Variants in SEMA4D observed in about 807,000 individuals in gnomAD.
SEMA4D encodes semaphorin-4D.
A neutral mutation model predicts 74.8 loss-of-function variants in SEMA4D; 22 were observed. The ratio of observed to expected loss-of-function variants is 0.29; its 90% CI spans 0.21 to 0.42. The LOEUF is 0.42. Ranked by LOEUF, SEMA4D falls within the 10% of genes least tolerant of loss-of-function variation. The probability of loss-of-function intolerance (pLI) is 1.00; values close to 1 mark genes in which losing one functional copy is unlikely to be tolerated. For missense variants in SEMA4D, 937 were observed against 1,118.4 expected, an observed-to-expected ratio of 0.84 and a Z score of 2.31; for synonymous variants, 445 against 463.7, an observed-to-expected ratio of 0.96 and a Z score of 0.52.
intron 13 of SEMA4D, among the ~76,000 whole-genome samples, chr9:89,382,878 G>A (rs1837468173): frequency 6.6e-6 from 1 of 152,120 alleles, no homozygotes; most frequent in African/African-American, 2.4e-5. Context: ...AGGCTTGAGG[G>A]TAGCTGTGGA....
chr9:89,401,155 A>C (rs1230759610), intron 4 of SEMA4D, among the ~76,000 whole-genome samples: 2 of 152,068 alleles, frequency 1.3e-5, no homozygotes, highest in East Asian at 3.9e-4. Context: ...CCTGGGCTCA[A>C]GTGATCCTCC....
intron 1 of SEMA4D, among the ~76,000 whole-genome samples, chr9:89,460,250 G>A (rs534656574): frequency 6.6e-6 from 1 of 152,208 alleles, no homozygotes; most frequent in South Asian, 2.1e-4. Context: ...CCTTGGGTAA[G>A]GCATCCTTTG....
chr9:89,497,752 T>C (rs900641215), intron 1 of SEMA4D, among the ~76,000 whole-genome samples, 167 bp downstream of exon 1: 8 of 149,356 alleles, frequency 5.4e-5, no homozygotes, highest in African/African-American at 2.0e-4. Flanking sequence ...AGTCCAGGGG[T>C]CCGGGGATCC....
At chr9:89,434,644 G>C (rs1176393819) in intron 2 of SEMA4D, among the ~76,000 whole-genome samples, 2 of 152,196 alleles carry the variant, frequency 1.3e-5, no homozygotes, top group African/African-American at 4.8e-5. Context: ...GGAAAATCCA[G>C]GAGAATTTTC....
chr9:89,450,838 C>T, intron 2 of SEMA4D: 3 of 620,984 alleles, frequency 4.8e-6, no homozygotes, highest in Admixed American at 5.5e-5. Context: ...CAGTTCTTCT[C>T]CACCTAGGAC....
At chr9:89,461,700 C>CTCTCTCT (rs71281350) in intron 1 of SEMA4D, among the ~76,000 whole-genome samples, 1,220 of 103,626 alleles carry the variant, frequency 0.012, 32 homozygotes, top group South Asian at 0.027. Context: ...TCTTTTTTCT[C>CTCTCTCT]TTTTTTTTTT....
At chr9:89,373,501 G>T (rs1160945610), downstream of SEMA4D, among the ~76,000 whole-genome samples, 1 of 152,150 alleles carries the variant, frequency 6.6e-6, no homozygotes, top group African/African-American at 2.4e-5. Flanking sequence ...TGGGGGGTGA[G>T]ACGCTCCCCA....
chr9:89,385,070 AGG>A, intron 13 of SEMA4D: 2 of 982,992 alleles, frequency 2.0e-6, no homozygotes, highest in Non-Finnish European at 2.4e-6. Context: ...CCTGGGCGCG[AGG>A]CTCCCTGTGT....
intron 2 of SEMA4D, chr9:89,418,180 A>G (rs1429530554): frequency 2.4e-6 from 2 of 841,148 alleles, no homozygotes; most frequent in Non-Finnish European, 2.9e-6. Context: ...ACTTAAACTC[A>G]GCAACACTCC....
intron 2 of SEMA4D, among the ~76,000 whole-genome samples, chr9:89,432,466 G>A (rs1251339184): frequency 6.6e-6 from 1 of 152,156 alleles, no homozygotes; most frequent in East Asian, 1.9e-4. Context: ...TCTGTCGTAA[G>A]GGCAGCAATA....
At chr9:89,433,167 A>T (rs955082014) in intron 2 of SEMA4D, among the ~76,000 whole-genome samples, 7 of 152,228 alleles carry the variant, frequency 4.6e-5, no homozygotes, top group Non-Finnish European at 7.3e-5. Flanking sequence ...CACTGTCTAT[A>T]GCAGGCTGGA....
intron 1 of SEMA4D, among the ~76,000 whole-genome samples, chr9:89,470,805 A>G (rs1404407989): frequency 6.6e-6 from 1 of 152,226 alleles, no homozygotes; most frequent in Non-Finnish European, 1.5e-5. Flanking sequence ...TCAAAAGGCT[A>G]TGTACTGCGT....
At chr9:89,440,870 G>T (rs545273265) in intron 2 of SEMA4D, among the ~76,000 whole-genome samples, 1 of 152,356 alleles carries the variant, frequency 6.6e-6, no homozygotes, top group East Asian at 1.9e-4. Flanking sequence ...GAGACAAGCT[G>T]GCCTGGTGAG....
intron 8 of SEMA4D, among the ~76,000 whole-genome samples, chr9:89,391,704 G>T (rs574844069): frequency 1.3e-5 from 2 of 152,362 alleles, no homozygotes; most frequent in East Asian, 3.9e-4. Flanking sequence ...CTGAGGCTGG[G>T]CCTCCTGACT....
chr9:89,384,994 G>T (rs940496284), intron 13 of SEMA4D: 28 of 985,336 alleles, frequency 2.8e-5, no homozygotes, highest in Middle Eastern at 5.2e-4. Flanking sequence ...GGCTCCTACA[G>T]AGACAGGCGG....
intron 2 of SEMA4D, among the ~76,000 whole-genome samples, chr9:89,448,474 G>A (rs1426084458): frequency 1.3e-5 from 2 of 152,214 alleles, no homozygotes; most frequent in African/African-American, 4.8e-5. Flanking sequence ...CCTGGGCGAT[G>A]TGGGATAGAG....
At chr9:89,444,325 T>C (rs1158313669) in intron 2 of SEMA4D, among the ~76,000 whole-genome samples, 1 of 152,082 alleles carries the variant, frequency 6.6e-6, no homozygotes, top group Non-Finnish European at 1.5e-5. Context: ...GGCAAACACA[T>C]ACAGGCATAC....
chr9:89,376,433 T>C (rs887999486), downstream of SEMA4D: 2 of 155,748 alleles, frequency 1.3e-5, no homozygotes, highest in African/African-American at 4.9e-5. Flanking sequence ...CTGGGGCCTT[T>C]GGGGCAAATC....
intron 1 of SEMA4D, among the ~76,000 whole-genome samples, chr9:89,496,042 G>A (rs1825988327): frequency 6.6e-6 from 1 of 152,156 alleles, no homozygotes; most frequent in African/African-American, 2.4e-5. Flanking sequence ...GGTAACATCT[G>A]CCTCCAGCGG....
Sources: gnomAD v4.1 joint callset for allele counts (sites outside exome capture counted in the v4.1 genomes callset) on GRCh38, gnomAD v4.1.1 for gene constraint, MANE v1.5 for transcripts, NCBI Gene and HGNC (gene_info 2026-07-23, HGNC 2026-07-21) for gene names.